The following GSTZ1 variants were observed in gnomAD, a reference collection of about 807,000 sequenced individuals.
The protein encoded by GSTZ1 is glutathione S-transferase zeta 1.
GSTZ1 carries 34 observed loss-of-function variants against 35.9 expected under a neutral mutation model. That is an observed-to-expected ratio of 0.95 (90% CI 0.72 to 1.26). GSTZ1 has a LOEUF of 1.26. Ranked by LOEUF, GSTZ1 falls within the 50% of genes most tolerant of loss-of-function variation. GSTZ1 has a pLI of 0.00. For missense variants in GSTZ1, 263 were observed against 271.7 expected (o/e 0.97, Z 0.23); for synonymous variants, 93 against 101.2 (o/e 0.92, Z 0.49).
At chr14:77,328,915 G>A in intron 5 of GSTZ1, 2 of 594,092 alleles carry the variant, frequency 3.4e-6, no homozygotes, top group East Asian at 2.8e-5. Flanking sequence ...GGCCACTGGG[G>A]CAGCCTGCAA....
chr14:77,330,857 G>T (rs919469168), intron 8 of GSTZ1, among the ~76,000 whole-genome samples: 1 of 152,138 alleles, frequency 6.6e-6, no homozygotes, highest in Non-Finnish European at 1.5e-5. Flanking sequence ...CACATAGCAG[G>T]TTCACAAAGA....
chr14:77,322,295 C>T (rs1476148228), intron 1 of GSTZ1, among the ~76,000 whole-genome samples: 4 of 152,112 alleles, frequency 2.6e-5, no homozygotes, highest in African/African-American at 9.7e-5. Flanking sequence ...GATACTTGGG[C>T]TTAAAGTTTA....
chr14:77,324,661 GC>G, intron 1 of GSTZ1: 1 of 1,431,450 alleles, frequency 7.0e-7, no homozygotes. Context: ...CCCTTTGGGG[GC>G]CTCTTGGACC....
intron 1 of GSTZ1, 37 bp from the exon 2 acceptor site, chr14:77,324,833 A>T: frequency 6.3e-7 from 1 of 1,598,178 alleles, no homozygotes; most frequent in Non-Finnish European, 8.6e-7. Context: ...CCCACCCAGC[A>T]TGGGTTAACA....
intron 7 of GSTZ1, 73 bp from the exon 8 acceptor site, chr14:77,330,237 A>G (rs1234900343): frequency 9.8e-7 from 1 of 1,020,468 alleles, no homozygotes; most frequent in African/African-American, 1.6e-5. Flanking sequence ...GTAGAGTCGC[A>G]GTGGACACAC....
At chr14:77,327,658 G>A (rs1892396002) in intron 4 of GSTZ1, 106 bp downstream of exon 4, 2 of 833,920 alleles carry the variant, frequency 2.4e-6, no homozygotes, top group African/African-American at 3.4e-5. Flanking sequence ...TAGCACATAG[G>A]AGAGGCTCAA....
chr14:77,327,713 G>A (rs1892401356), intron 4 of GSTZ1, 161 bp downstream of exon 4: 1 of 730,502 alleles, frequency 1.4e-6, no homozygotes, highest in Non-Finnish European at 2.4e-6. Flanking sequence ...GGAAAATAAG[G>A]GAAGATTCAA....
intron 4 of GSTZ1, 92 bp from the exon 5 acceptor site, chr14:77,327,820 T>A: frequency 8.0e-7 from 1 of 1,256,366 alleles, no homozygotes; most frequent in Non-Finnish European, 1.2e-6. Flanking sequence ...GTGATGGTGC[T>A]GGAAGAGGAG....
chr14:77,324,885 T>C lies in GSTZ1; in HGVS notation c.31T>C (p.Tyr11His), dbSNP rs972513101. The C allele has an allele frequency of 1.1e-5, 18 of 1,613,972 alleles. No individual in the cohort carries two copies. The Admixed American group carries it at 3.0e-4, about 27-fold the overall frequency. The change falls in exon 2 of 9, where the codon TAT becomes CAT. Residue 11 changes from tyrosine (Y) to histidine (H), a missense_variant. Transcript: ENST00000216465. Reference protein sequence around the residue: MQAGKPILYSYFRSSCSWRVR... With the variant: MQAGKPILYSHFRSSCSWRVR... Reference sequence around the variant, plus strand: ...CTCTCCTCAGCCCATCCTCTATTCCTATTTCCGAAGCTCCTGCTCATGGAG... The same window carrying C: ...CTCTCCTCAGCCCATCCTCTATTCCCATTTCCGAAGCTCCTGCTCATGGAG...
intron 2 of GSTZ1, chr14:77,325,411 C>T (rs572706662): frequency 6.2e-5 from 12 of 192,300 alleles, no homozygotes; most frequent in Non-Finnish European, 1.2e-4. Flanking sequence ...AAGGTCATAA[C>T]CAAAGCAGCC....
At chr14:77,325,574 C>T (rs1242905118) in intron 2 of GSTZ1, 1 of 152,344 alleles carries the variant, frequency 6.6e-6, no homozygotes, top group Non-Finnish European at 1.5e-5. Flanking sequence ...AGTAACTTGC[C>T]CAAGATCTTT....
At chr14:77,324,480 C>G in intron 1 of GSTZ1, 2 of 826,244 alleles carry the variant, frequency 2.4e-6, no homozygotes, top group Non-Finnish European at 4.0e-6. Context: ...CAAAGTTCCC[C>G]CAATGCCTGG....
At chr14:77,322,620 T>G in intron 1 of GSTZ1, 1 of 984,694 alleles carries the variant, frequency 1.0e-6, no homozygotes, top group Non-Finnish European at 1.2e-6. Context: ...GGGAGTTGCA[T>G]CTCCAAATAA....
chr14:77,330,141 G>A (rs1014126317), intron 7 of GSTZ1, 169 bp from the exon 8 acceptor site: 12 of 756,124 alleles, frequency 1.6e-5, no homozygotes, highest in East Asian at 1.0e-4. Flanking sequence ...CTTCAGCTCC[G>A]GGGGACAGAC....
chr14:77,321,933 C>G (rs939096061), intron 1 of GSTZ1, among the ~76,000 whole-genome samples: 5 of 151,646 alleles, frequency 3.3e-5, no homozygotes, highest in African/African-American at 1.2e-4. Flanking sequence ...ATGACAATCA[C>G]CTGGGGAGCT....
chr14:77,324,790 A>T, intron 1 of GSTZ1, 80 bp from the exon 2 acceptor site: 1 of 1,389,990 alleles, frequency 7.2e-7, no homozygotes, highest in Non-Finnish European at 1.0e-6. Context: ...CTGGCAGGAC[A>T]GGAAGAAATG....
At position 77,324,435 on chromosome 14, in the gene GSTZ1, T is replaced by C. The variant is rs888096938; in HGVS notation, c.16-435T>C. On this transcript the variant is annotated intron_variant, in intron 1 of 8. Transcript: ENST00000216465. ...TGCTGGGATTACAGGCGTGAGCCAC[T>C]GTGCCTGGCCAGAAATGCCCTTTCT... 93 of 668,572 alleles carry C rather than the reference T, an allele frequency of 1.4e-4. 1 individual carries two copies. The highest frequency in any genetic ancestry group is 2.0e-4 in the Non-Finnish European group (75 of 367,364). The allele number at this position is 668,572 out of a possible 1,614,324, so 41.4% of individuals were successfully genotyped here. A position where few individuals can be genotyped will look rare whatever the true frequency, so the allele number is the denominator to read the frequency against.
chr14:77,321,423 C>G (rs1164317433), intron 1 of GSTZ1: 1 of 1,526,880 alleles, frequency 6.5e-7, no homozygotes, highest in African/African-American at 1.4e-5. Flanking sequence ...GGTGGAGTCG[C>G]TGTCCGGTCG....
rs1044104675 is a variant in GSTZ1, at chr14:77,324,897, T to G, written c.43T>G (p.Ser15Ala). The change falls in exon 2 of 9, where the codon TCC (serine) becomes GCC (alanine). Residue 15 changes from serine to alanine, a missense_variant. Ser to Ala is a moderately conservative substitution (Grantham distance 99). Coordinates refer to ENST00000216465, the MANE Select transcript of GSTZ1 (RefSeq NM_145870.3). ...CATCCTCTATTCCTATTTCCGAAGC[T>G]CCTGCTCATGGAGAGTTCGAATTGG... is the stretch of plus-strand genomic sequence containing the variant. ...KPILYSYFRSSCSWRVRIALA... is the reference protein window; with the variant it reads ...KPILYSYFRSACSWRVRIALA... 8 of 1,614,016 alleles carry G rather than the reference T, an allele frequency of 5.0e-6. No individual in the cohort carries two copies. The highest frequency in any genetic ancestry group is 6.8e-6 in the Non-Finnish European group (8 of 1,179,878).
Sources: gnomAD v4.1 joint callset for allele counts (sites outside exome capture counted in the v4.1 genomes callset) on GRCh38, gnomAD v4.1.1 for gene constraint, MANE v1.5 for transcripts, NCBI Gene and HGNC (gene_info 2026-07-23, HGNC 2026-07-21) for gene names.